IRAK1BP1: variants seen among roughly 807,000 people sequenced by gnomAD.
IRAK1BP1 encodes interleukin-1 receptor-associated kinase 1-binding protein 1.
In IRAK1BP1, 24 loss-of-function variants were observed where a neutral mutation model predicts 28.0. That is an observed-to-expected ratio of 0.86 (90% CI 0.62 to 1.20). The LOEUF (loss-of-function observed/expected upper bound fraction) is 1.20. IRAK1BP1 is among the 50% of genes most tolerant of loss of function. The pLI is 0.00. For missense variants in IRAK1BP1, 336 were observed against 316.7 expected (o/e 1.06, Z -0.46); for synonymous variants, 131 against 116.3 (o/e 1.13, Z -0.81).
At chr6:78,935,674 A>G in intron 4 of IRAK1BP1, 1 of 984,362 alleles carries the variant, frequency 1.0e-6, no homozygotes, top group African/African-American at 1.7e-5. Context: ...GCACCCAAAT[A>G]TCTTTTAACT....
At chr6:78,950,363 TAG>T (rs1472840990), downstream of IRAK1BP1, among the ~76,000 whole-genome samples, 4 of 152,326 alleles carry the variant, frequency 2.6e-5, no homozygotes, top group East Asian at 7.7e-4. Flanking sequence ...CTGGTCTTCA[TAG>T]AGTGAGTTGG....
At chr6:78,890,236 CAG>C (rs1309530299) in intron 2 of IRAK1BP1, among the ~76,000 whole-genome samples, 2 of 141,328 alleles carry the variant, frequency 1.4e-5, no homozygotes, top group Admixed American at 7.7e-5. Flanking sequence ...CACATGGACA[CAG>C]GGAGGGGAAC....
chr6:78,923,063 A>T (rs1174587124), intron 4 of IRAK1BP1, among the ~76,000 whole-genome samples: 2 of 152,362 alleles, frequency 1.3e-5, no homozygotes, highest in Admixed American at 1.3e-4. Flanking sequence ...GATCAAATTC[A>T]CACATAACAA....
chr6:78,919,236 A>G (rs1772653875), intron 4 of IRAK1BP1, among the ~76,000 whole-genome samples: 1 of 152,166 alleles, frequency 6.6e-6, no homozygotes, highest in South Asian at 2.1e-4. Flanking sequence ...AAAGAACTCA[A>G]TGAGTTAGAA....
At chr6:78,963,171 C>T in the IRAK1BP1 span, 7 of 1,611,634 alleles carry the variant, frequency 4.3e-6, no homozygotes, top group Non-Finnish European at 5.9e-6. Context: ...ACCCCATTCT[C>T]CATCAAGAGG....
intron 4 of IRAK1BP1, among the ~76,000 whole-genome samples, chr6:78,928,330 A>T (rs1169224941): frequency 2.0e-5 from 3 of 152,166 alleles, no homozygotes; most frequent in Non-Finnish European, 4.4e-5. Flanking sequence ...CTGTTGGCAT[A>T]CAGAAATGCT....
intron 4 of IRAK1BP1, chr6:78,936,585 TA>T (rs934157055): frequency 6.6e-6 from 1 of 151,882 alleles, no homozygotes; most frequent in African/African-American, 2.4e-5. Flanking sequence ...GTCTGTGCCA[TA>T]AGGTTAATTT....
At chr6:78,896,773 C>T (rs9448591) in intron 2 of IRAK1BP1, among the ~76,000 whole-genome samples, 68,079 of 149,494 alleles carry the variant, frequency 0.46, 16,012 homozygotes, top group East Asian at 0.69. Context: ...GCAGTGAGCC[C>T]GTGATCACAC....
the IRAK1BP1 span, chr6:78,962,945 A>G: frequency 1.6e-6 from 1 of 628,968 alleles, no homozygotes; most frequent in Non-Finnish European, 2.7e-6. Flanking sequence ...GTCCTGTGTT[A>G]AGACCACATT....
intron 4 of IRAK1BP1, among the ~76,000 whole-genome samples, chr6:78,917,128 G>A (rs1019919098): frequency 6.6e-6 from 1 of 151,930 alleles, no homozygotes; most frequent in Non-Finnish European, 1.5e-5. Context: ...GAATTGAAAG[G>A]AAACTCAATG....
At chr6:78,920,213 C>T (rs1772685430) in intron 4 of IRAK1BP1, among the ~76,000 whole-genome samples, 1 of 152,128 alleles carries the variant, frequency 6.6e-6, no homozygotes, top group Admixed American at 6.5e-5. Flanking sequence ...AAGATTGTGC[C>T]ACTGCACTCC....
intron 4 of IRAK1BP1, among the ~76,000 whole-genome samples, chr6:78,908,160 C>T (rs917346697): frequency 3.3e-5 from 5 of 151,546 alleles, no homozygotes; most frequent in Non-Finnish European, 7.4e-5. Context: ...AAGCAATTCT[C>T]CTGCCTCAGC....
chr6:78,879,948 T>C (rs1205573005), intron 1 of IRAK1BP1, among the ~76,000 whole-genome samples: 1 of 152,206 alleles, frequency 6.6e-6, no homozygotes, highest in Non-Finnish European at 1.5e-5. Flanking sequence ...GAGTCTGAAA[T>C]GGGGAAGGTA....
At chr6:78,921,825 G>T (rs1203509857) in intron 4 of IRAK1BP1, among the ~76,000 whole-genome samples, 4 of 152,130 alleles carry the variant, frequency 2.6e-5, no homozygotes, top group Non-Finnish European at 5.9e-5. Context: ...GTCTGGAGTG[G>T]ACCTCCAGCA....
chr6:78,877,842 T>C (rs959911151), intron 1 of IRAK1BP1, among the ~76,000 whole-genome samples: 2 of 152,162 alleles, frequency 1.3e-5, no homozygotes, highest in African/African-American at 4.8e-5. Context: ...CAGGAGATTA[T>C]ATCCCGCACC....
At position 78,901,999 on chromosome 6, in the gene IRAK1BP1, G is replaced by T. The variant is rs532673259; in HGVS notation, c.*3665G>T. 6.6e-6 allele frequency: 1 copy of T among 152,116 alleles called. No individual in the cohort carries two copies. Among genetic ancestry groups the T allele is most frequent in the Non-Finnish European group, 1.5e-5 (1 of 68,022 alleles). 9.4% of individuals were successfully genotyped at this position (152,116 alleles called of 1,614,324 possible). A position where few individuals can be genotyped will look rare whatever the true frequency, so the allele number is the denominator to read the frequency against. Reference sequence around the variant, plus strand: ...AAGCATGAATTATGAGATCAAATGTGGGAGTTACTATATGATTATCTGCAT... The same window carrying T: ...AAGCATGAATTATGAGATCAAATGTTGGAGTTACTATATGATTATCTGCAT... On this transcript the variant is annotated 3_prime_UTR_variant, in exon 4 of 4. Transcript: ENST00000369940.
At chr6:78,892,263 C>G (rs983704910) in intron 2 of IRAK1BP1, among the ~76,000 whole-genome samples, 3 of 151,942 alleles carry the variant, frequency 2.0e-5, no homozygotes, top group African/African-American at 7.3e-5. Context: ...CTATATTGTT[C>G]TACTTATGAT....
intron 4 of IRAK1BP1, chr6:78,937,749 T>C (rs570387014): frequency 9.9e-5 from 15 of 151,832 alleles, no homozygotes; most frequent in African/African-American, 3.6e-4. Flanking sequence ...AAGGATAAAA[T>C]TTTAAAAAGC....
chr6:78,922,932 A>G (rs879668288), intron 4 of IRAK1BP1, among the ~76,000 whole-genome samples: 7 of 152,206 alleles, frequency 4.6e-5, no homozygotes, highest in African/African-American at 1.7e-4. Flanking sequence ...AGCACTAAAC[A>G]TGGAAAGGAA....
Sources: allele counts gnomAD v4.1 joint callset (sites outside exome capture counted in the v4.1 genomes callset), GRCh38; gene constraint gnomAD v4.1.1; transcripts MANE v1.5; gene names NCBI Gene and HGNC (gene_info 2026-07-23, HGNC 2026-07-21).